Variants in ZBTB4 observed in about 807,000 individuals in gnomAD.
ZBTB4 encodes the protein zinc finger and BTB domain containing 4, also known as zinc finger and BTB domain-containing protein 4.
Under a neutral mutation model 59.8 loss-of-function variants are expected in ZBTB4, and 14 were observed. That is an observed-to-expected ratio of 0.23 (90% confidence interval 0.15 to 0.37). The LOEUF (loss-of-function observed/expected upper bound fraction) is 0.37, where lower values mean the gene tolerates loss of function less well. ZBTB4 is among the 10% of genes least tolerant of loss of function. ZBTB4 has a pLI of 1.00. For missense variants in ZBTB4, 1,198 were observed against 1,380.8 expected (o/e 0.87, Z 2.10); for synonymous variants, 587 against 575.2 (o/e 1.02, Z -0.29).
At chr17:7,481,989 C>A, upstream of ZBTB4, 2 of 1,589,170 alleles carry the variant, frequency 1.3e-6, no homozygotes, top group Non-Finnish European at 1.7e-6. Flanking sequence ...CCCTAACAGG[C>A]TGGCAGTCAC....
Position 7,461,878 on chromosome 17 carries a change from TG to T in ZBTB4, c.*61del. 7.0e-7 allele frequency: 1 copy of T among 1,425,986 alleles called. No individual in the cohort carries two copies. Among genetic ancestry groups the T allele is most frequent in the Non-Finnish European group, 9.5e-7 (1 of 1,055,856 alleles). The allele number at this position is 1,425,986 out of a possible 1,614,324, so 88.3% of individuals were successfully genotyped here. A position where few individuals can be genotyped will look rare whatever the true frequency, so the allele number is the denominator to read the frequency against. On this transcript the variant is annotated 3_prime_UTR_variant, in exon 4 of 4. Coordinates refer to ENST00000380599, the MANE Select transcript of ZBTB4 (RefSeq NM_001128833.2). ...CCAAGGGGCAGGGAGGCCAGGGAGC[TG>T]GTAGTGGTGGGGGGTTCAGGGAGGG...
Position 7,466,245 on chromosome 17 carries a change from A to T in ZBTB4, c.557T>A (p.Val186Glu), listed in dbSNP as rs771502386. The change falls in exon 3 of 4, where the codon GTA (valine) becomes GAA (glutamate). Residue 186 changes from valine (V) to glutamate (E), a missense_variant. This residue lies in a region of ZBTB4 where 204 missense variants were observed against 205.5 expected (regional missense o/e 0.99). Coordinates refer to ENST00000380599, the MANE Select transcript of ZBTB4 (RefSeq NM_001128833.2). The surrounding 1 kb of genome is among the most constrained non-coding windows in gnomAD (Gnocchi z 9.1). ...GGCCATGGGGGCTGGGGTAGGAGGTACCCAGGCATCACCTCCCTCCCCCAG... is the reference window on the plus strand; with the variant it reads ...GGCCATGGGGGCTGGGGTAGGAGGTTCCCAGGCATCACCTCCCTCCCCCAG... ...QGLGEGGDAW[V>E]PPTPAPMATS... The T allele has an allele frequency of 6.2e-7, 1 of 1,613,242 alleles. No individual in the cohort carries two copies.
chr17:7,471,062 T>C (rs930902132), intron 1 of ZBTB4, among the ~76,000 whole-genome samples: 3 of 152,212 alleles, frequency 2.0e-5, no homozygotes, highest in Admixed American at 6.5e-5. Context: ...GTGTGCTGAC[T>C]ACCACAGTAC....
At chr17:7,463,920 G>C (rs934665051) in intron 3 of ZBTB4, 30 bp from the exon 4 acceptor site, 2 of 1,589,666 alleles carry the variant, frequency 1.3e-6, no homozygotes, top group African/African-American at 1.3e-5. Context: ...AATAGGGCAG[G>C]AACACAGGCA....
rs994052895 is a variant in ZBTB4, at chr17:7,460,052, C to T, written c.*1888G>A. The T allele has an allele frequency of 1.3e-5, 2 of 151,996 alleles. No homozygotes were observed. The highest frequency in any genetic ancestry group is 2.4e-5 in the African/African-American group (1 of 41,226). 9.4% of individuals were successfully genotyped at this position (151,996 alleles called of 1,614,324 possible). ...ATATATATATATGTATTCTTTATTA[C>T]GTATTTTTTTGCAGTTTTTCTAAAG... On this transcript the variant is annotated 3_prime_UTR_variant, in exon 4 of 4. Coordinates refer to ENST00000380599, the MANE Select transcript of ZBTB4 (RefSeq NM_001128833.2).
intron 1 of ZBTB4, among the ~76,000 whole-genome samples, chr17:7,477,735 G>T (rs1476917268): frequency 6.6e-6 from 1 of 152,132 alleles, no homozygotes; most frequent in Non-Finnish European, 1.5e-5. Context: ...AGAGGGAGAG[G>T]GTGAAGCAGG....
At chr17:7,470,981 T>G (rs2150859695) in intron 1 of ZBTB4, among the ~76,000 whole-genome samples, 1 of 152,250 alleles carries the variant, frequency 6.6e-6, no homozygotes, top group Non-Finnish European at 1.5e-5. Flanking sequence ...TTGCCTCCAG[T>G]CCCCATTCAC....
chr17:7,475,721 G>A (rs990572088), intron 1 of ZBTB4, among the ~76,000 whole-genome samples: 29 of 152,118 alleles, frequency 1.9e-4, no homozygotes, highest in African/African-American at 6.8e-4. Flanking sequence ...TACAGGCATG[G>A]GCCACTGCGC....
chr17:7,477,485 C>T (rs939834422), intron 1 of ZBTB4, among the ~76,000 whole-genome samples: 11 of 152,182 alleles, frequency 7.2e-5, no homozygotes, highest in South Asian at 2.1e-4. Flanking sequence ...AGGGCCTGTC[C>T]GCAGCACCCT....
intron 1 of ZBTB4, among the ~76,000 whole-genome samples, chr17:7,468,373 C>CA (rs112504005): frequency 3.7e-4 from 56 of 150,900 alleles, no homozygotes; most frequent in African/African-American, 9.5e-4. Flanking sequence ...AACTCCGTCT[C>CA]AAAAAAAAAC....
At chr17:7,475,947 C>T (rs902573516) in intron 1 of ZBTB4, among the ~76,000 whole-genome samples, 2 of 152,216 alleles carry the variant, frequency 1.3e-5, no homozygotes, top group Non-Finnish European at 2.9e-5. Flanking sequence ...CGCACAAGGT[C>T]TCACGTGCTA....
chr17:7,463,332 C>G lies in ZBTB4; in HGVS notation c.1650G>C (p.Met550Ile), dbSNP rs871990. The G allele has an allele frequency of 0.16, 251,268 of 1,606,704 alleles. 21,009 individuals are homozygous for G. The highest frequency in any genetic ancestry group is 0.23 in the South Asian group (20,899 of 89,816). The change falls in exon 4 of 4, where the codon ATG (methionine) becomes ATC (isoleucine). Residue 550 changes from methionine (M) to isoleucine (I), a missense_variant. Physicochemically the swap from Met to Ile is conservative, Grantham distance 10. Around this residue, in one of 9 missense-constraint regions of ZBTB4, gnomAD observed 550 missense variants for 541.8 expected, o/e 1.02. Coordinates refer to ENST00000380599, the MANE Select transcript of ZBTB4 (RefSeq NM_001128833.2). ...VSPATAAGPA[M>I]ATTTEEAKGR... Reference sequence around the variant, plus strand: ...CCTTGGCCTCCTCCGTGGTGGTGGCCATGGCTGGCCCTGCAGCGGTGGCTG... The same window carrying G: ...CCTTGGCCTCCTCCGTGGTGGTGGCGATGGCTGGCCCTGCAGCGGTGGCTG...
rs760988369 is a variant in ZBTB4 at position 7,465,956 on chromosome 17, G to A, written c.846C>T (p.Asp282=). The A allele has an allele frequency of 1.7e-5, 27 of 1,602,394 alleles. No homozygotes were observed. In the South Asian group the frequency reaches 2.2e-4, roughly 13 times the overall value. ...GAGPGGPAGV[D]ASALPPPVGF... ...CCACTGGTGGAGGCAGGGCTGAGGC[G>A]TCCACCCCTGCAGGACCACCAGGGC... Residue 282 remains aspartate, a synonymous_variant, in exon 3 of 4, where the codon GAC becomes GAT. Coordinates refer to ENST00000380599, the MANE Select transcript of ZBTB4 (RefSeq NM_001128833.2).
In ZBTB4 at chr17:7,462,775, G is replaced by T; in HGVS notation, c.2207C>A (p.Thr736Asn). 6.2e-7 allele frequency: 1 copy of T among 1,602,550 alleles called. No individual in the cohort carries two copies. Residue 736 changes from threonine (T) to asparagine (N), a missense_variant, in exon 4 of 4, where the codon ACC becomes AAC. This residue lies in a region of ZBTB4 where 550 missense variants were observed against 541.8 expected (regional missense o/e 1.02). Transcript: ENST00000380599. The surrounding 1 kb of genome is among the most constrained non-coding windows in gnomAD (Gnocchi z 7.5). Reference protein sequence around the residue: ...HRCGDCAQTFTTLRKLRKHQE... With the variant: ...HRCGDCAQTFNTLRKLRKHQE... ...GTGCTTCCGCAGCTTTCTCAGGGTG[G>T]TGAAGGTCTGGGCACAGTCCCCGCA...
Position 7,479,443 on chromosome 17 carries a change from C to A in ZBTB4, c.-81+13G>T, listed in dbSNP as rs71369605. Reference sequence around the variant, plus strand: ...GTCCGCCCTGGCCCTGCCCAGTTCGCCCCAGGGCCCACCTGACTGCGATGG... The same window carrying A: ...GTCCGCCCTGGCCCTGCCCAGTTCGACCCAGGGCCCACCTGACTGCGATGG... On this transcript the variant is annotated intron_variant, in intron 1 of 3. Transcript: ENST00000380599. The A allele has an allele frequency of 0.17, 25,886 of 154,230 alleles. 2,477 individuals are homozygous for A. Among genetic ancestry groups the A allele is most frequent in the South Asian group, 0.22 (1,237 of 5,654 alleles). 9.6% of individuals were successfully genotyped at this position (154,230 alleles called of 1,614,324 possible).
upstream of ZBTB4, among the ~76,000 whole-genome samples, chr17:7,480,416 C>T (rs1314240455): frequency 6.6e-6 from 1 of 152,192 alleles, no homozygotes; most frequent in Non-Finnish European, 1.5e-5. Context: ...GTTCACAGCT[C>T]CTTGCCTTAA....
At chr17:7,469,953 GC>G (rs1362418634) in intron 1 of ZBTB4, among the ~76,000 whole-genome samples, 1 of 151,968 alleles carries the variant, frequency 6.6e-6, no homozygotes, top group East Asian at 1.9e-4. Flanking sequence ...GTGGTGGCAG[GC>G]ACCTGTAGTC....
At chr17:7,478,655 C>A (rs1459852134) in intron 1 of ZBTB4, among the ~76,000 whole-genome samples, 1 of 152,182 alleles carries the variant, frequency 6.6e-6, no homozygotes, top group Non-Finnish European at 1.5e-5. Flanking sequence ...GACACACATG[C>A]GAGAAAACAC....
chr17:7,482,394 C>T (rs2070356495), upstream of ZBTB4: 1 of 1,613,896 alleles, frequency 6.2e-7, no homozygotes, highest in South Asian at 1.1e-5. Context: ...CGCAAAGGTT[C>T]TTCCACCGTC....
Sources: gnomAD v4.1 joint callset for allele counts (sites outside exome capture counted in the v4.1 genomes callset) on GRCh38, gnomAD v4.1.1 for gene constraint, gnomAD v4.1.1 regional missense constraint, Gnocchi (gnomAD v3.1) non-coding constraint, MANE v1.5 for transcripts, NCBI Gene and HGNC (gene_info 2026-07-23, HGNC 2026-07-21) for gene names.